The following ADRA1A variants were observed in gnomAD, a reference collection of about 807,000 sequenced individuals.
ADRA1A encodes the protein alpha-1A adrenergic receptor.
In ADRA1A, 31 loss-of-function variants were observed where a neutral mutation model predicts 29.6. That is an observed-to-expected ratio of 1.05 (90% CI 0.79 to 1.41). The LOEUF is 1.41. ADRA1A is among the 40% of genes most tolerant of loss of function. ADRA1A has a pLI of 0.00. For missense variants in ADRA1A, 619 were observed against 601.1 expected (o/e 1.03, Z -0.31); for synonymous variants, 311 against 254.3 (o/e 1.22, Z -2.12).
At chr8:26,758,282 G>C (rs186792078) in intron 2 of ADRA1A, among the ~76,000 whole-genome samples, 2 of 152,308 alleles carry the variant, frequency 1.3e-5, no homozygotes, top group African/African-American at 4.8e-5. Context: ...GGGATGACCA[G>C]CTCCTGGAAA....
At chr8:26,767,042 T>A (rs1805830029), downstream of ADRA1A, among the ~76,000 whole-genome samples, 2 of 152,156 alleles carry the variant, frequency 1.3e-5, no homozygotes, top group South Asian at 2.1e-4. Flanking sequence ...CTGAAATCCT[T>A]GACATAATCT....
At chr8:26,851,232 C>T (rs1231453511) in intron 2 of ADRA1A, among the ~76,000 whole-genome samples, 2 of 152,060 alleles carry the variant, frequency 1.3e-5, no homozygotes, top group Admixed American at 6.5e-5. Flanking sequence ...TGCTAAACTT[C>T]TCACCTTCCA....
At chr8:26,846,792 C>A (rs1365322661) in intron 2 of ADRA1A, among the ~76,000 whole-genome samples, 1 of 152,110 alleles carries the variant, frequency 6.6e-6, no homozygotes, top group South Asian at 2.1e-4. Context: ...AAAAATTATT[C>A]ACAATAGCAA....
chr8:26,859,851 T>G (rs138998923), intron 2 of ADRA1A, among the ~76,000 whole-genome samples: 29 of 151,352 alleles, frequency 1.9e-4, no homozygotes, highest in African/African-American at 6.3e-4. Flanking sequence ...CACTGCAACC[T>G]CTGTCTCCCG....
rs538060713 is a variant in ADRA1A at position 26,804,180 on chromosome 8, C to A, written c.884-33514G>T. Among the ~76,000 whole-genome samples the A allele has an allele frequency of 2.0e-5, 3 of 152,098 alleles. No homozygotes were observed. In the East Asian group the frequency reaches 5.8e-4, roughly 29 times the overall value. On this transcript the variant is annotated intron_variant, in intron 2 of 2. Transcript: ENST00000380573. ...AAGTGATCCTCCTGCCTTGGCCCCC[C>A]AAAGTGGTGGGGTTATGGGAATAAG...
At chr8:26,800,633 C>T (rs1808507377) in intron 2 of ADRA1A, among the ~76,000 whole-genome samples, 1 of 152,074 alleles carries the variant, frequency 6.6e-6, no homozygotes, top group Admixed American at 6.6e-5. Flanking sequence ...CAAAGAAAAT[C>T]CTGGAACCCA....
Position 26,865,670 on chromosome 8 carries a change from AG to A in ADRA1A, c.-686-16del, listed in dbSNP as rs368788517. The A allele has an allele frequency of 3.0e-6, 3 of 986,050 alleles. No individual in the cohort carries two copies. Among genetic ancestry groups the A allele is most frequent in the Non-Finnish European group, 3.6e-6 (3 of 830,510 alleles). The allele number at this position is 986,050 out of a possible 1,614,324, so 61.1% of individuals were successfully genotyped here. Reference sequence around the variant, plus strand: ...ACCGCGTCCACCTGAAAGAGCGCAAAGAGAAAGGCGGCTTTGAGCTAGGCGC... The same window carrying A: ...ACCGCGTCCACCTGAAAGAGCGCAAAAGAAAGGCGGCTTTGAGCTAGGCGC... On this transcript the variant is annotated splice_polypyrimidine_tract_variant and intron_variant, in intron 1 of 2. Transcript: ENST00000380573. This position sits in a 1 kb window ranked among gnomAD's most constrained non-coding sequence, Gnocchi z 7.6.
At chr8:26,861,872 C>T (rs1157206651) in intron 2 of ADRA1A, among the ~76,000 whole-genome samples, 8 of 152,126 alleles carry the variant, frequency 5.3e-5, no homozygotes, top group Non-Finnish European at 1.2e-4. Flanking sequence ...TCACCTGAGT[C>T]CAAGATGTCA....
chr8:26,799,136 C>T (rs13276482), intron 2 of ADRA1A, among the ~76,000 whole-genome samples: 5,282 of 151,978 alleles, frequency 0.035, 176 homozygotes, highest in African/African-American at 0.087. Context: ...AGTTATGACA[C>T]AGTAATGGGT....
intron 2 of ADRA1A, among the ~76,000 whole-genome samples, chr8:26,811,729 C>A (rs535842800): frequency 4.6e-5 from 7 of 152,206 alleles, no homozygotes; most frequent in Non-Finnish European, 8.8e-5. Context: ...TCAGAAGGCT[C>A]CCTCATGCTC....
chr8:26,845,183 A>C (rs1812110937), intron 2 of ADRA1A, among the ~76,000 whole-genome samples: 2 of 152,288 alleles, frequency 1.3e-5, no homozygotes, highest in Middle Eastern at 3.4e-3. Flanking sequence ...TTTGCAGATC[A>C]ATTATCTGAC....
At chr8:26,791,362 A>G (rs1022862357) in intron 2 of ADRA1A, among the ~76,000 whole-genome samples, 2 of 152,174 alleles carry the variant, frequency 1.3e-5, no homozygotes, top group Non-Finnish European at 2.9e-5. Context: ...TATAAATTTC[A>G]TAAGGTTTTT....
Position 26,864,491 on chromosome 8 carries a change from C to G in ADRA1A, c.479G>C (p.Gly160Ala), listed in dbSNP as rs1037610094. 11 of 1,613,804 alleles carry G rather than the reference C, an allele frequency of 6.8e-6. No homozygotes were observed. The highest frequency in any genetic ancestry group is 8.5e-6 in the Non-Finnish European group (10 of 1,180,042). ...VWALSLVISI[G>A]PLFGWRQPAP... ...CGGCTGCCTCCAGCCGAACAGGGGTCCAATGGATATGACCAGGGAGAGTGC... is the reference window on the plus strand; with the variant it reads ...CGGCTGCCTCCAGCCGAACAGGGGTGCAATGGATATGACCAGGGAGAGTGC... Residue 160 changes from glycine (G) to alanine (A), a missense_variant, in exon 2 of 3, where the codon GGA (glycine) becomes GCA (alanine). Coordinates refer to ENST00000380573, the MANE Select transcript of ADRA1A (RefSeq NM_000680.4). This position sits in a 1 kb window ranked among gnomAD's most constrained non-coding sequence, Gnocchi z 8.1.
intron 2 of ADRA1A, among the ~76,000 whole-genome samples, chr8:26,774,697 CT>C (rs1272409145): frequency 6.6e-6 from 1 of 151,390 alleles, no homozygotes; most frequent in Non-Finnish European, 1.5e-5. Context: ...AGCAAAAGAA[CT>C]GCTCCTCTCC....
intron 2 of ADRA1A, among the ~76,000 whole-genome samples, chr8:26,844,345 C>T (rs564543170): frequency 3.3e-5 from 5 of 152,304 alleles, no homozygotes; most frequent in African/African-American, 7.2e-5. Context: ...GGAATACAGA[C>T]ATTGTGTACC....
rs368233220 is a variant in ADRA1A at position 26,789,108 on chromosome 8, C to A, written c.884-18442G>T. Among the ~76,000 whole-genome samples the A allele has an allele frequency of 2.0e-5, 3 of 152,042 alleles. No individual in the cohort carries two copies. In the East Asian group the frequency reaches 5.8e-4, roughly 29 times the overall value. Reference sequence around the variant, plus strand: ...TAATGCCCCCATTCCCCTTTTCCCCCCACCCCTGACAGGCCTCCAGGTGTG... The same window carrying A: ...TAATGCCCCCATTCCCCTTTTCCCCACACCCCTGACAGGCCTCCAGGTGTG... On this transcript the variant is annotated intron_variant, in intron 2 of 2. Transcript: ENST00000380573.
At position 26,821,671 on chromosome 8, in the gene ADRA1A, C is replaced by T. The variant is rs150868101; in HGVS notation, c.883+42416G>A. Among the ~76,000 whole-genome samples the T allele has an allele frequency of 2.0e-5, 3 of 152,266 alleles. No individual in the cohort carries two copies. Among genetic ancestry groups the T allele is most frequent in the South Asian group, 2.1e-4 (1 of 4,828 alleles). ...AATATCACAACCAGGATATTGACAACGATACAGTCAAGATACAGAATAGTT... is the reference window on the plus strand; with the variant it reads ...AATATCACAACCAGGATATTGACAATGATACAGTCAAGATACAGAATAGTT... On this transcript the variant is annotated intron_variant, in intron 2 of 2. Transcript: ENST00000380573. The surrounding 1 kb of genome is among the most constrained non-coding windows in gnomAD (Gnocchi z 5.6).
At chr8:26,761,044 T>C (rs1014734706), downstream of ADRA1A, among the ~76,000 whole-genome samples, 1 of 152,232 alleles carries the variant, frequency 6.6e-6, no homozygotes, top group African/African-American at 2.4e-5. Flanking sequence ...AGTACTGTCA[T>C]GGGCATGCTA....
intron 2 of ADRA1A, among the ~76,000 whole-genome samples, chr8:26,851,070 T>C (rs1373003879): frequency 6.6e-6 from 1 of 152,056 alleles, no homozygotes; most frequent in Non-Finnish European, 1.5e-5. Context: ...AGTCATAATA[T>C]ATAATAGGAG....
Sources: allele counts gnomAD v4.1 joint callset (sites outside exome capture counted in the v4.1 genomes callset), GRCh38; gene constraint gnomAD v4.1.1; non-coding constraint Gnocchi (gnomAD v3.1); transcripts MANE v1.5; gene names NCBI Gene and HGNC (gene_info 2026-07-23, HGNC 2026-07-21).